Variants in MCPH1 observed in about 807,000 individuals in gnomAD.
The protein encoded by MCPH1 is microcephalin.
Under a neutral mutation model 84.5 loss-of-function variants are expected in MCPH1, and 104 were observed. That is an observed-to-expected ratio of 1.23 (90% CI 1.05 to 1.45). The LOEUF (loss-of-function observed/expected upper bound fraction) is 1.45. MCPH1 is among the 40% of genes most tolerant of loss of function. The pLI is 0.00. For synonymous variants in MCPH1, 514 were observed against 366.8 expected, an observed-to-expected ratio of 1.40 and a Z score of -4.58; for missense variants, 1,498 against 1,005.7, an observed-to-expected ratio of 1.49 and a Z score of -6.62.
At chr8:6,540,713 C>T (rs778578433) in intron 12 of MCPH1, among the ~76,000 whole-genome samples, 11 of 152,260 alleles carry the variant, frequency 7.2e-5, no homozygotes, top group Non-Finnish European at 1.6e-4. Flanking sequence ...CTCACACTGC[C>T]TTAGCTTGGG....
At chr8:6,626,960 A>C (rs2129581626) in intron 13 of MCPH1, 1 of 984,618 alleles carries the variant, frequency 1.0e-6, no homozygotes, top group African/African-American at 1.8e-5. Flanking sequence ...TGGGAACATA[A>C]TGTAATATTC....
intron 12 of MCPH1, among the ~76,000 whole-genome samples, chr8:6,593,484 A>G (rs1306128316): frequency 1.3e-5 from 2 of 152,170 alleles, no homozygotes; most frequent in East Asian, 3.9e-4. Flanking sequence ...CCTTCCAAGT[A>G]GCTGGAAATA....
At chr8:6,628,314 C>A (rs1479165493) in intron 13 of MCPH1, among the ~76,000 whole-genome samples, 1 of 151,592 alleles carries the variant, frequency 6.6e-6, no homozygotes, top group Non-Finnish European at 1.5e-5. Context: ...ATTAAAAATA[C>A]AGAAAAATTA....
intron 13 of MCPH1, among the ~76,000 whole-genome samples, chr8:6,637,278 TGAA>T (rs1797624971): frequency 6.6e-6 from 1 of 152,032 alleles, no homozygotes; most frequent in African/African-American, 2.4e-5. Flanking sequence ...GTAAATGCAA[TGAA>T]GAAAACAGGG....
chr8:6,489,014 G>A (rs73661783), intron 11 of MCPH1, among the ~76,000 whole-genome samples: 1,700 of 152,130 alleles, frequency 0.011, 35 homozygotes, highest in African/African-American at 0.039. Context: ...TTTTCCTGGG[G>A]CGACTAACTA....
chr8:6,465,778 C>G (rs190427414), intron 9 of MCPH1, among the ~76,000 whole-genome samples: 3 of 152,216 alleles, frequency 2.0e-5, no homozygotes, highest in South Asian at 4.1e-4. Flanking sequence ...TCCTCAGACA[C>G]GCGGTAAGGT....
chr8:6,642,873 G>C (rs144675765), intron 13 of MCPH1, 121 bp from the exon 14 acceptor site: 221 of 909,068 alleles, frequency 2.4e-4, no homozygotes, highest in Non-Finnish European at 3.5e-4. Context: ...GGGGGCCTAT[G>C]GACAACACAG....
intron 12 of MCPH1, among the ~76,000 whole-genome samples, chr8:6,529,591 G>C (rs551549840): frequency 1.3e-5 from 2 of 150,798 alleles, no homozygotes; most frequent in Non-Finnish European, 2.9e-5. Flanking sequence ...CAAGTAACTG[G>C]GTCTATAAGT....
intron 12 of MCPH1, among the ~76,000 whole-genome samples, chr8:6,578,140 T>A (rs1056008718): frequency 3.9e-5 from 6 of 152,312 alleles, no homozygotes; most frequent in African/African-American, 1.4e-4. Context: ...CACTCGACTG[T>A]CCCGATGGGC....
rs573635861 is a variant in MCPH1, at chr8:6,597,642, C to A, written c.2215-23812C>A. 2.0e-4 allele frequency among the ~76,000 whole-genome samples: 30 copies of A among 152,234 alleles called. No individual in the cohort carries two copies. The Middle Eastern group carries it at 0.017, about 86-fold the overall frequency. On this transcript the variant is annotated intron_variant, in intron 12 of 13. Transcript: ENST00000344683. ...CAACCCGGAACACGGAGGGAGGGCT[C>A]AGCGCTAGGAAGGGAGAGGGAATGA...
intron 12 of MCPH1, among the ~76,000 whole-genome samples, chr8:6,599,696 T>C (rs1037774879): frequency 6.6e-6 from 1 of 152,244 alleles, no homozygotes; most frequent in Non-Finnish European, 1.5e-5. Flanking sequence ...CCTGGTAGTT[T>C]TCCCCTTGAT....
At chr8:6,429,042 A>G (rs1009988592) in intron 3 of MCPH1, among the ~76,000 whole-genome samples, 5 of 151,356 alleles carry the variant, frequency 3.3e-5, no homozygotes, top group South Asian at 2.1e-4. Context: ...TCCCACATAC[A>G]CTCATCTGCT....
intron 11 of MCPH1, among the ~76,000 whole-genome samples, chr8:6,499,365 A>C (rs185103151): frequency 6.6e-6 from 1 of 152,266 alleles, no homozygotes; most frequent in East Asian, 1.9e-4. Flanking sequence ...AGGAATTTCA[A>C]GTGTATTCTG....
chr8:6,598,227 A>T (rs1170018265), intron 12 of MCPH1, among the ~76,000 whole-genome samples: 1 of 152,194 alleles, frequency 6.6e-6, no homozygotes, highest in Non-Finnish European at 1.5e-5. Context: ...GTGGGTTCCC[A>T]CACCAGCCTT....
Position 6,445,585 on chromosome 8 carries a change from T to C in MCPH1, c.1825+38T>C, listed in dbSNP as rs1428029366. 3.9e-6 allele frequency: 6 copies of C among 1,545,462 alleles called. No individual in the cohort carries two copies. The South Asian group carries it at 6.4e-5, about 16-fold the overall frequency. On this transcript the variant is annotated intron_variant, in intron 8 of 13. Transcript: ENST00000344683. ...CCTTTTCCAAGTCACCTTCGCTAAA[T>C]AAACATGTAACAGTGCATCCATATT...
At chr8:6,628,003 G>C (rs1029930170) in intron 13 of MCPH1, among the ~76,000 whole-genome samples, 1 of 151,972 alleles carries the variant, frequency 6.6e-6, no homozygotes, top group East Asian at 1.9e-4. Context: ...CTTTGGAAAG[G>C]TTTGCTCAGA....
intron 11 of MCPH1, chr8:6,494,565 T>A (rs1811034111): frequency 6.6e-6 from 1 of 152,194 alleles, no homozygotes; most frequent in Admixed American, 6.5e-5. Flanking sequence ...TCAACAAGCA[T>A]TTTTGACGCT....
chr8:6,591,107 G>C (rs1331998482), intron 12 of MCPH1, among the ~76,000 whole-genome samples: 2 of 152,238 alleles, frequency 1.3e-5, no homozygotes, highest in Non-Finnish European at 2.9e-5. Context: ...ATGTTGGTCA[G>C]GCTGTTCTCA....
intron 12 of MCPH1, among the ~76,000 whole-genome samples, chr8:6,595,479 G>A (rs1828848346): frequency 6.6e-6 from 1 of 152,202 alleles, no homozygotes; most frequent in African/African-American, 2.4e-5. Flanking sequence ...CTGGCCAGCT[G>A]CATGCACAAG....
Sources: gnomAD v4.1 joint callset for allele counts (sites outside exome capture counted in the v4.1 genomes callset) on GRCh38, gnomAD v4.1.1 for gene constraint, MANE v1.5 for transcripts, NCBI Gene and HGNC (gene_info 2026-07-23, HGNC 2026-07-21) for gene names.